MAN1C1: variants seen among roughly 807,000 people sequenced by gnomAD.
MAN1C1 encodes mannosyl-oligosaccharide 1,2-alpha-mannosidase IC.
MAN1C1 carries 49 observed loss-of-function variants against 71.5 expected under a neutral mutation model. The observed-to-expected ratio is 0.69, with a 90% CI of 0.54 to 0.87. The LOEUF is 0.87. Among genes scored for constraint, MAN1C1 ranks in the 40% least tolerant of loss-of-function variants. The probability of loss-of-function intolerance (pLI) is 0.00; values close to 1 mark genes in which losing one functional copy is unlikely to be tolerated. For synonymous variants in MAN1C1, 352 were observed against 343.7 expected (o/e 1.02, Z -0.27); for missense variants, 743 against 835.0 (o/e 0.89, Z 1.36).
chr1:25,637,766 G>T, intron 1 of MAN1C1, among the ~76,000 whole-genome samples: 1 of 151,914 alleles, frequency 6.6e-6, no homozygotes. Flanking sequence ...TATTCTTAAA[G>T]AATTGGCCCT....
chr1:25,737,458 C>G (rs929990992), intron 2 of MAN1C1, among the ~76,000 whole-genome samples: 1 of 152,238 alleles, frequency 6.6e-6, no homozygotes, highest in African/African-American at 2.4e-5. Flanking sequence ...TGTGTCTTCT[C>G]CGAGTCCCAG....
At chr1:25,660,719 C>G (rs1302330205) in intron 1 of MAN1C1, among the ~76,000 whole-genome samples, 1 of 150,756 alleles carries the variant, frequency 6.6e-6, no homozygotes, top group African/African-American at 2.4e-5. Context: ...GAGACAGACT[C>G]TTACTCTATC....
rs1040687221 is a variant in MAN1C1, at chr1:25,663,184, A to AAT, written c.541-23248_541-23247dup. On this transcript the variant is annotated intron_variant, in intron 1 of 11. Transcript: ENST00000374332. Reference sequence around the variant, plus strand: ...TATATTTTATTTATATATTATTTTAAATATATATAAAATACGTATATTTAA... The same window carrying AAT: ...TATATTTTATTTATATATTATTTTAAATATATATATAAAATACGTATATTTAA... 2.0e-5 allele frequency among the ~76,000 whole-genome samples: 3 copies of AAT among 147,836 alleles called. No homozygotes were observed. The Admixed American group carries it at 2.0e-4, about 10-fold the overall frequency.
At chr1:25,731,363 A>G (rs187256162) in intron 2 of MAN1C1, among the ~76,000 whole-genome samples, 14 of 152,140 alleles carry the variant, frequency 9.2e-5, no homozygotes, top group South Asian at 8.3e-4. Flanking sequence ...CATCATCATC[A>G]TCATCATCAA....
At chr1:25,695,093 T>C (rs1368887343) in intron 2 of MAN1C1, among the ~76,000 whole-genome samples, 2 of 152,126 alleles carry the variant, frequency 1.3e-5, no homozygotes, top group Non-Finnish European at 2.9e-5. Flanking sequence ...GAGGTTTTTT[T>C]CTGGAGAAAA....
intron 7 of MAN1C1, 110 bp from the exon 8 acceptor site, chr1:25,771,547 C>G: frequency 1.3e-6 from 1 of 768,110 alleles, no homozygotes; most frequent in South Asian, 1.6e-5. Flanking sequence ...ATGCCCGCTT[C>G]CTACCCGTAC....
At chr1:25,781,536 C>A (rs573736964) in intron 10 of MAN1C1, among the ~76,000 whole-genome samples, 5 of 152,306 alleles carry the variant, frequency 3.3e-5, no homozygotes, top group South Asian at 4.1e-4. Context: ...GGGACCCCCC[C>A]ACCCTAGTCT....
intron 1 of MAN1C1, among the ~76,000 whole-genome samples, chr1:25,675,955 A>G (rs1026086444): frequency 1.3e-5 from 2 of 152,316 alleles, no homozygotes; most frequent in Admixed American, 6.5e-5. Context: ...TCAAGCTTCA[A>G]TGTGCGTTTG....
In MAN1C1 at chr1:25,618,348, A is replaced by G; in HGVS notation, c.540+11A>G. On this transcript the variant is annotated intron_variant, in intron 1 of 11. Transcript: ENST00000374332. Reference sequence around the variant, plus strand: ...GAGAAAATCAAGGAGGTATGGACTCAGCCCCCAAACTCCTCCCACCAACTG... The same window carrying G: ...GAGAAAATCAAGGAGGTATGGACTCGGCCCCCAAACTCCTCCCACCAACTG... 1 of 1,589,610 alleles carries G rather than the reference A, an allele frequency of 6.3e-7. No homozygotes were observed. The highest frequency in any genetic ancestry group is 1.2e-5 in the South Asian group (1 of 86,806).
chr1:25,783,726 C>T lies in MAN1C1; in HGVS notation c.1830C>T (p.Thr610=), dbSNP rs142054155. 3.2e-5 allele frequency: 52 copies of T among 1,613,298 alleles called. No individual in the cohort carries two copies. The highest frequency in any genetic ancestry group is 1.1e-4 in the East Asian group (5 of 44,886). ...CCCTGGAAGACTGGGTGTTCAACAC[C>T]GAGGCCCACCCACTCCCGGTGAACC... is the stretch of plus-strand genomic sequence containing the variant. ...LLSLEDWVFN[T]EAHPLPVNHS... The change falls in exon 12 of 12, where the codon ACC becomes ACT. Residue 610 remains threonine, a synonymous_variant. Transcript: ENST00000374332.
At chr1:25,650,869 T>G (rs1306314041) in intron 1 of MAN1C1, among the ~76,000 whole-genome samples, 2 of 152,192 alleles carry the variant, frequency 1.3e-5, no homozygotes, top group East Asian at 3.8e-4. Flanking sequence ...AATTCTCACC[T>G]GGAAAATCTA....
At chr1:25,771,387 T>G (rs1322354406) in intron 7 of MAN1C1, among the ~76,000 whole-genome samples, 1 of 152,130 alleles carries the variant, frequency 6.6e-6, no homozygotes, top group Non-Finnish European at 1.5e-5. Flanking sequence ...GTCCCCAGCC[T>G]GCTAAGGCGA....
chr1:25,679,874 C>CT (rs2046122304), intron 1 of MAN1C1, among the ~76,000 whole-genome samples: 2 of 121,838 alleles, frequency 1.6e-5, no homozygotes, highest in African/African-American at 7.0e-5. Flanking sequence ...TCTTTTTTTT[C>CT]TTTTTTTGAG....
chr1:25,709,930 GAGAC>G (rs1186761703), intron 2 of MAN1C1: 4 of 152,114 alleles, frequency 2.6e-5, no homozygotes, highest in Non-Finnish European at 4.4e-5. Flanking sequence ...ATTTTTAGTA[GAGAC>G]AGGGTTTCAC....
rs183123103 is a variant in MAN1C1, at chr1:25,769,550, C to A, written c.1142-2107C>A. 6.6e-6 allele frequency among the ~76,000 whole-genome samples: 1 copy of A among 152,108 alleles called. No homozygotes were observed. Among genetic ancestry groups the A allele is most frequent in the Non-Finnish European group, 1.5e-5 (1 of 68,006 alleles). On this transcript the variant is annotated intron_variant, in intron 7 of 11. Coordinates refer to ENST00000374332, the MANE Select transcript of MAN1C1 (RefSeq NM_020379.4). The surrounding 1 kb of genome is among the most constrained non-coding windows in gnomAD (Gnocchi z 4.8). ...TCCAGAGGAAGCCTGGACCTTGTCA[C>A]GCACACACTCCACCACCGCGTGATT...
At chr1:25,744,578 T>C (rs1001209096) in intron 2 of MAN1C1, among the ~76,000 whole-genome samples, 1 of 152,102 alleles carries the variant, frequency 6.6e-6, no homozygotes, top group Non-Finnish European at 1.5e-5. Context: ...GGCCCTCCCT[T>C]CTGGTAATAG....
intron 2 of MAN1C1, among the ~76,000 whole-genome samples, chr1:25,739,563 A>G (rs3014705): frequency 0.073 from 11,056 of 152,182 alleles, 1,343 homozygotes; most frequent in African/African-American, 0.25. Context: ...AAACATCATC[A>G]TCATTAATAT....
At position 25,779,949 on chromosome 1, in the gene MAN1C1, G is replaced by A. The variant is rs74060827; in HGVS notation, c.1478-991G>A. On this transcript the variant is annotated intron_variant, in intron 9 of 11. Coordinates refer to ENST00000374332, the MANE Select transcript of MAN1C1 (RefSeq NM_020379.4). This position sits in a 1 kb window ranked among gnomAD's most constrained non-coding sequence, Gnocchi z 4.6. ...CTGGACAGGAGGGACAGGCATTAAAGGGAGAAGGATCTGGCCCTCATACCC... is the reference window on the plus strand; with the variant it reads ...CTGGACAGGAGGGACAGGCATTAAAAGGAGAAGGATCTGGCCCTCATACCC... Among the ~76,000 whole-genome samples, 245 of 152,250 alleles carry A rather than the reference G, an allele frequency of 1.6e-3. 2 individuals are homozygous for A. The highest frequency in any genetic ancestry group is 5.4e-3 in the African/African-American group (224 of 41,544).
chr1:25,679,263 A>G (rs2046111855), intron 1 of MAN1C1, among the ~76,000 whole-genome samples: 2 of 152,138 alleles, frequency 1.3e-5, no homozygotes, highest in Admixed American at 6.6e-5. Flanking sequence ...TAGGAAGAAA[A>G]CAGGCACCTC....
Sources: gnomAD v4.1 joint callset for allele counts (sites outside exome capture counted in the v4.1 genomes callset) on GRCh38, gnomAD v4.1.1 for gene constraint, Gnocchi (gnomAD v3.1) non-coding constraint, MANE v1.5 for transcripts, NCBI Gene and HGNC (gene_info 2026-07-23, HGNC 2026-07-21) for gene names.